Variants in PPP3CB observed in about 807,000 individuals in gnomAD.
The protein encoded by PPP3CB is protein phosphatase 3 catalytic subunit beta.
A neutral mutation model predicts 66.4 loss-of-function variants in PPP3CB; 8 were observed. The observed-to-expected ratio is 0.12, with a 90% CI of 0.07 to 0.22. The LOEUF (loss-of-function observed/expected upper bound fraction) is 0.22. Ranked by LOEUF, PPP3CB falls within the 10% of genes least tolerant of loss-of-function variation. PPP3CB has a pLI of 1.00. For missense variants in PPP3CB, 319 were observed against 642.5 expected, an observed-to-expected ratio of 0.50 and a Z score of 5.44; for synonymous variants, 208 against 221.2, an observed-to-expected ratio of 0.94 and a Z score of 0.53.
chr10:73,484,355 C>T (rs59935504), intron 1 of PPP3CB, among the ~76,000 whole-genome samples: 3 of 151,918 alleles, frequency 2.0e-5, no homozygotes, highest in Non-Finnish European at 2.9e-5. Context: ...CTGCAAGCTC[C>T]GCCCCCCGGG....
intron 12 of PPP3CB, 80 bp downstream of exon 12, chr10:73,444,645 T>C: frequency 6.3e-7 from 1 of 1,592,350 alleles, no homozygotes; most frequent in South Asian, 1.1e-5. Flanking sequence ...ATTCCCTGCA[T>C]GCATTATGTG....
intron 12 of PPP3CB, among the ~76,000 whole-genome samples, chr10:73,440,970 A>G (rs1450520261): frequency 6.6e-6 from 1 of 152,222 alleles, no homozygotes; most frequent in Non-Finnish European, 1.5e-5. Context: ...GACTCAAGAT[A>G]GCACACAACA....
intron 9 of PPP3CB, 147 bp downstream of exon 9, chr10:73,467,406 T>C (rs1051890260): frequency 1.3e-5 from 7 of 553,294 alleles, no homozygotes; most frequent in African/African-American, 1.2e-4. Flanking sequence ...TTTGAGACTC[T>C]TATGTCCACA....
intron 9 of PPP3CB, among the ~76,000 whole-genome samples, chr10:73,457,179 G>T (rs79919752): frequency 0.014 from 1,959 of 136,138 alleles, 61 homozygotes; most frequent in African/African-American, 0.049. Flanking sequence ...CTACCTGGGA[G>T]AATGAAGAAG....
chr10:73,465,319 C>G (rs1292887079), intron 9 of PPP3CB, among the ~76,000 whole-genome samples: 1 of 152,074 alleles, frequency 6.6e-6, no homozygotes, highest in Non-Finnish European at 1.5e-5. Context: ...TTCTCAAACT[C>G]CTGGGCTCAA....
intron 4 of PPP3CB, among the ~76,000 whole-genome samples, chr10:73,473,384 T>C (rs1174252893): frequency 6.6e-6 from 1 of 152,168 alleles, no homozygotes; most frequent in Admixed American, 6.5e-5. Context: ...CCAGATGCGG[T>C]GGTTCACACC....
intron 4 of PPP3CB, among the ~76,000 whole-genome samples, chr10:73,472,520 C>A (rs1589705660): frequency 6.6e-6 from 1 of 151,264 alleles, no homozygotes; most frequent in African/African-American, 2.4e-5. Flanking sequence ...AGAAAGAAAT[C>A]TCTTAAAAAC....
chr10:73,494,008 T>C (rs1024458044), intron 1 of PPP3CB, among the ~76,000 whole-genome samples: 15 of 152,320 alleles, frequency 9.8e-5, no homozygotes, highest in South Asian at 6.2e-4. Context: ...AGGAATGTGA[T>C]TGGTTACCCC....
chr10:73,462,090 A>T (rs1251020471), intron 9 of PPP3CB, among the ~76,000 whole-genome samples: 1 of 150,304 alleles, frequency 6.7e-6, no homozygotes, highest in Non-Finnish European at 1.5e-5. Flanking sequence ...GAGGAGATGC[A>T]GGTGCTATGC....
intron 8 of PPP3CB, among the ~76,000 whole-genome samples, chr10:73,469,958 T>C (rs531575464): frequency 1.3e-5 from 2 of 152,278 alleles, no homozygotes; most frequent in South Asian, 4.1e-4. Flanking sequence ...TACATAAACA[T>C]ACCCAATCTC....
In PPP3CB at chr10:73,455,383, C is replaced by G. The variant is rs371640047; in HGVS notation, c.1109-894G>C. On this transcript the variant is annotated intron_variant, in intron 9 of 13. Coordinates refer to ENST00000360663, the MANE Select transcript of PPP3CB (RefSeq NM_021132.4). ...TTCCCACATTTGGATCATTTTTCCC[C>G]AAAACTTTGGATATCCTCAAGATTC... Among the ~76,000 whole-genome samples the G allele has an allele frequency of 5.3e-5, 8 of 152,112 alleles. No individual in the cohort carries two copies. The East Asian group carries it at 5.8e-4, about 11-fold the overall frequency.
chr10:73,460,894 A>T (rs1317479015), intron 9 of PPP3CB, among the ~76,000 whole-genome samples: 1 of 152,228 alleles, frequency 6.6e-6, no homozygotes, highest in Non-Finnish European at 1.5e-5. Context: ...GAGAAAGCCT[A>T]GGTGCCCAGG....
At chr10:73,484,946 A>C (rs934042004) in intron 1 of PPP3CB, among the ~76,000 whole-genome samples, 1 of 152,006 alleles carries the variant, frequency 6.6e-6, no homozygotes, top group African/African-American at 2.4e-5. Context: ...CCAGCTACTC[A>C]GGAGGCTGAG....
At chr10:73,473,074 T>C (rs1188231785) in intron 4 of PPP3CB, among the ~76,000 whole-genome samples, 2 of 152,230 alleles carry the variant, frequency 1.3e-5, no homozygotes, top group Admixed American at 6.5e-5. Context: ...CTAACGACTC[T>C]GTTTTCTAGC....
At chr10:73,491,747 C>T (rs1162605929) in intron 1 of PPP3CB, among the ~76,000 whole-genome samples, 2 of 151,992 alleles carry the variant, frequency 1.3e-5, no homozygotes, top group Non-Finnish European at 2.9e-5. Context: ...GTGGGTGGAT[C>T]ACCTGAGGTC....
chr10:73,475,629 A>AT (rs1321307619), intron 3 of PPP3CB, among the ~76,000 whole-genome samples: 1 of 152,212 alleles, frequency 6.6e-6, no homozygotes, highest in Non-Finnish European at 1.5e-5. Flanking sequence ...TGTTTGTTTC[A>AT]TTGATTATGA....
At chr10:73,470,510 T>C (rs534041170) in intron 8 of PPP3CB, among the ~76,000 whole-genome samples, 177 bp downstream of exon 8, 1 of 152,216 alleles carries the variant, frequency 6.6e-6, no homozygotes. Flanking sequence ...GGGTTACATA[T>C]TACTTAGTTT....
intron 1 of PPP3CB, among the ~76,000 whole-genome samples, chr10:73,484,785 C>T (rs1330233225): frequency 6.6e-6 from 1 of 152,044 alleles, no homozygotes; most frequent in Non-Finnish European, 1.5e-5. Flanking sequence ...GGCGTGGTGG[C>T]TCACGCCTGT....
chr10:73,460,833 G>A (rs1426785397), intron 9 of PPP3CB, among the ~76,000 whole-genome samples: 2 of 152,250 alleles, frequency 1.3e-5, no homozygotes, highest in Non-Finnish European at 1.5e-5. Context: ...CTAGGCAAGT[G>A]TAAGAGTGAA....
Sources: gnomAD v4.1 joint callset for allele counts (sites outside exome capture counted in the v4.1 genomes callset) on GRCh38, gnomAD v4.1.1 for gene constraint, MANE v1.5 for transcripts, NCBI Gene and HGNC (gene_info 2026-07-23, HGNC 2026-07-21) for gene names.